Variants in EFNA3 observed in about 807,000 individuals in gnomAD.
The protein encoded by EFNA3 is ephrin A3.
In EFNA3, 15 loss-of-function variants were observed where a neutral mutation model predicts 25.0. The ratio of observed to expected loss-of-function variants is 0.60; its 90% CI spans 0.40 to 0.92. The LOEUF (loss-of-function observed/expected upper bound fraction) is 0.92. Ranked by LOEUF, EFNA3 falls within the 40% of genes least tolerant of loss-of-function variation. The pLI, the probability that EFNA3 is intolerant of heterozygous loss-of-function variation, is 0.00. For missense variants in EFNA3, 298 were observed against 323.8 expected (o/e 0.92, Z 0.61); for synonymous variants, 153 against 145.6 (o/e 1.05, Z -0.37).
Position 155,079,002 on chromosome 1 carries a change from C to A in EFNA3, c.61C>A (p.Leu21Met). The A allele has an allele frequency of 7.0e-7, 1 of 1,435,466 alleles. No homozygotes were observed. Among genetic ancestry groups the A allele is most frequent in the Non-Finnish European group, 9.2e-7 (1 of 1,091,096 alleles). 88.9% of individuals were successfully genotyped at this position (1,435,466 alleles called of 1,614,324 possible). A position where few individuals can be genotyped will look rare whatever the true frequency, so the allele number is the denominator to read the frequency against. Residue 21 changes from leucine (L) to methionine (M), a missense_variant, in exon 1 of 5, where the codon CTG (leucine) becomes ATG (methionine). Leu to Met is a conservative substitution (Grantham distance 15). Transcript: ENST00000368408. The surrounding 1 kb of genome is among the most constrained non-coding windows in gnomAD (Gnocchi z 7.7). ...CGTGCCCGTGCCGCTGCTGCCGCTG[C>A]TGGCCCAAGGGCCCGGAGGGGCGCT... ...LLVPVPLLPLLAQGPGGALGN... is the reference protein window; with the variant it reads ...LLVPVPLLPLMAQGPGGALGN...
chr1:155,085,054 G>T lies in EFNA3; in HGVS notation c.129-37G>T. The T allele has an allele frequency of 6.2e-7, 1 of 1,607,794 alleles. No individual in the cohort carries two copies. The highest frequency in any genetic ancestry group is 2.2e-5 in the East Asian group (1 of 44,772). On this transcript the variant is annotated intron_variant, in intron 1 of 4. Coordinates refer to ENST00000368408, the MANE Select transcript of EFNA3 (RefSeq NM_004952.5). This position sits in a 1 kb window ranked among gnomAD's most constrained non-coding sequence, Gnocchi z 4.4. ...CAGATGGAAAGCGGCTTTGCTCTGG[G>T]GTTTCTTCTCTCTGAGCCGCTTCCT...
chr1:155,086,054 C>A, intron 3 of EFNA3, 74 bp from the exon 4 acceptor site: 1 of 1,576,062 alleles, frequency 6.3e-7, no homozygotes, highest in Non-Finnish European at 8.6e-7. Context: ...GCTTGCTCCC[C>A]AGCCGTAGCA....
Position 155,085,425 on chromosome 1 carries a change from G to A in EFNA3, c.442+21G>A, listed in dbSNP as rs368001689. On this transcript the variant is annotated intron_variant, in intron 2 of 4. Coordinates refer to ENST00000368408, the MANE Select transcript of EFNA3 (RefSeq NM_004952.5). This position sits in a 1 kb window ranked among gnomAD's most constrained non-coding sequence, Gnocchi z 4.4. ...CATCTGTGAGTGACGGCGGCCGGGC[G>A]GGCGGGTCTGAACGCGAGAGTCTGA... 2 of 1,541,426 alleles carry A rather than the reference G, an allele frequency of 1.3e-6. No individual in the cohort carries two copies. Among genetic ancestry groups the A allele is most frequent in the Non-Finnish European group, 1.8e-6 (2 of 1,137,480 alleles).
Position 155,086,714 on chromosome 1 carries a change from G to C in EFNA3, c.*171G>C. On this transcript the variant is annotated 3_prime_UTR_variant, in exon 5 of 5. Transcript: ENST00000368408. ...CCCCTCTACCCCTTCCCCCCACGTAGGGCACTGTAGTGGACCAAGCACGGG... is the reference window on the plus strand; with the variant it reads ...CCCCTCTACCCCTTCCCCCCACGTACGGCACTGTAGTGGACCAAGCACGGG... The C allele has an allele frequency of 2.5e-6, 2 of 812,838 alleles. No homozygotes were observed. Among genetic ancestry groups the C allele is most frequent in the Non-Finnish European group, 3.8e-6 (2 of 531,776 alleles). The allele number at this position is 812,838 out of a possible 1,614,324, so 50.4% of individuals were successfully genotyped here.
intron 4 of EFNA3, 36 bp from the exon 5 acceptor site, chr1:155,086,377 C>T: frequency 1.9e-6 from 3 of 1,611,402 alleles, no homozygotes; most frequent in Non-Finnish European, 2.5e-6. Context: ...GCGCGCAACC[C>T]AGCCCTCACC....
At position 155,085,754 on chromosome 1, in the gene EFNA3, AG is replaced by A; in HGVS notation, c.443-119del. On this transcript the variant is annotated intron_variant, in intron 2 of 4. Coordinates refer to ENST00000368408, the MANE Select transcript of EFNA3 (RefSeq NM_004952.5). The surrounding 1 kb of genome is among the most constrained non-coding windows in gnomAD (Gnocchi z 4.4). ...CTAAAGTGACCCGTGTCCAAAGGGT[AG>A]GGGAGCTCCTGAAGGAGACCGCCCG... 8.8e-7 allele frequency: 1 copy of A among 1,142,788 alleles called. No homozygotes were observed. The highest frequency in any genetic ancestry group is 1.4e-5 in the South Asian group (1 of 69,472). 70.8% of individuals were successfully genotyped at this position (1,142,788 alleles called of 1,614,324 possible). A position where few individuals can be genotyped will look rare whatever the true frequency, so the allele number is the denominator to read the frequency against.
Position 155,086,639 on chromosome 1 carries a change from C to T in EFNA3, c.*96C>T. 3 of 1,480,562 alleles carry T rather than the reference C, an allele frequency of 2.0e-6. No individual in the cohort carries two copies. The highest frequency in any genetic ancestry group is 2.7e-6 in the Non-Finnish European group (3 of 1,098,530). 91.7% of individuals were successfully genotyped at this position (1,480,562 alleles called of 1,614,324 possible). On this transcript the variant is annotated 3_prime_UTR_variant, in exon 5 of 5. Coordinates refer to ENST00000368408, the MANE Select transcript of EFNA3 (RefSeq NM_004952.5). ...CAAGGGAAGCCTAGTGGGCCTAGACCCCTCCTCCCATGGCTAGAAGTGGGG... is the reference window on the plus strand; with the variant it reads ...CAAGGGAAGCCTAGTGGGCCTAGACTCCTCCTCCCATGGCTAGAAGTGGGG...
chr1:155,083,482 C>A (rs530860018), intron 1 of EFNA3, among the ~76,000 whole-genome samples: 131 of 152,322 alleles, frequency 8.6e-4, no homozygotes, highest in African/African-American at 2.9e-3. Context: ...AAGGGAGGGG[C>A]CTGAGTGACC....
intron 1 of EFNA3, among the ~76,000 whole-genome samples, chr1:155,084,780 A>T (rs1663417489): frequency 6.6e-6 from 1 of 152,210 alleles, no homozygotes; most frequent in Non-Finnish European, 1.5e-5. Context: ...ACCAAAGCGT[A>T]CGTTCCCTTC....
In EFNA3 at chr1:155,085,440, C is replaced by G; in HGVS notation, c.442+36C>G. 2.0e-6 allele frequency: 3 copies of G among 1,511,460 alleles called. No homozygotes were observed. The highest frequency in any genetic ancestry group is 2.7e-6 in the Non-Finnish European group (3 of 1,124,214). The allele number at this position is 1,511,460 out of a possible 1,614,324, so 93.6% of individuals were successfully genotyped here. Reference sequence around the variant, plus strand: ...GCGGCCGGGCGGGCGGGTCTGAACGCGAGAGTCTGAGTGACAGCCGGGGGG... The same window carrying G: ...GCGGCCGGGCGGGCGGGTCTGAACGGGAGAGTCTGAGTGACAGCCGGGGGG... On this transcript the variant is annotated intron_variant, in intron 2 of 4. Coordinates refer to ENST00000368408, the MANE Select transcript of EFNA3 (RefSeq NM_004952.5). The surrounding 1 kb of genome is among the most constrained non-coding windows in gnomAD (Gnocchi z 4.4).
chr1:155,079,289 G>A lies in EFNA3; in HGVS notation c.128+220G>A, dbSNP rs1663297757. ...TAGTAAGGAGCGCTCGGGCCGTGTG[G>A]AGGAGGCTGCTGGAGGGGCCCCCCA... On this transcript the variant is annotated intron_variant, in intron 1 of 4. Transcript: ENST00000368408. This position sits in a 1 kb window ranked among gnomAD's most constrained non-coding sequence, Gnocchi z 7.7. 2.0e-5 allele frequency among the ~76,000 whole-genome samples: 3 copies of A among 152,148 alleles called. No homozygotes were observed. Among genetic ancestry groups the A allele is most frequent in the Non-Finnish European group, 4.4e-5 (3 of 68,006 alleles).
chr1:155,080,336 CT>C lies in EFNA3; in HGVS notation c.128+1268del, dbSNP rs2102450976. Among the ~76,000 whole-genome samples, 1 of 152,260 alleles carries C rather than the reference CT, an allele frequency of 6.6e-6. No homozygotes were observed. Among genetic ancestry groups the C allele is most frequent in the Non-Finnish European group, 1.5e-5 (1 of 67,994 alleles). ...GTTGTTTGGGGCTCCGCGCCTCCCC[CT>C]CTCTCCCTCCTCGCGCCCGGAGTGT... On this transcript the variant is annotated intron_variant, in intron 1 of 4. Transcript: ENST00000368408. This position sits in a 1 kb window ranked among gnomAD's most constrained non-coding sequence, Gnocchi z 7.0.
rs1663434444 is a variant in EFNA3, at chr1:155,085,387, A to G, written c.425A>G (p.His142Arg). The G allele has an allele frequency of 1.2e-6, 2 of 1,608,528 alleles. No individual in the cohort carries two copies. The highest frequency in any genetic ancestry group is 1.7e-6 in the Non-Finnish European group (2 of 1,177,000). ...CTGGGCTACGAGTTCCACGCCGGCCACGAGTACTACTACATCTGTGAGTGA... is the reference window on the plus strand; with the variant it reads ...CTGGGCTACGAGTTCCACGCCGGCCGCGAGTACTACTACATCTGTGAGTGA... The part of the protein sequence containing the change: ...FSLGYEFHAG[H>R]EYYYISTPTH... The change falls in exon 2 of 5, where the codon CAC becomes CGC. Residue 142 changes from histidine to arginine, a missense_variant. By Grantham distance (29) the His-to-Arg change is conservative. Coordinates refer to ENST00000368408, the MANE Select transcript of EFNA3 (RefSeq NM_004952.5). The surrounding 1 kb of genome is among the most constrained non-coding windows in gnomAD (Gnocchi z 4.4).
rs921649427 is a variant in EFNA3 at position 155,085,567 on chromosome 1, C to G, written c.442+163C>G. ...GGCACGGGACGCCTGAGGGGTTCAG[C>G]TCAGACGAGGTCGTGGGGCCAAGAG... On this transcript the variant is annotated intron_variant, in intron 2 of 4. Coordinates refer to ENST00000368408, the MANE Select transcript of EFNA3 (RefSeq NM_004952.5). The surrounding 1 kb of genome is among the most constrained non-coding windows in gnomAD (Gnocchi z 4.4). 42 of 906,912 alleles carry G rather than the reference C, an allele frequency of 4.6e-5. No homozygotes were observed. Among genetic ancestry groups the G allele is most frequent in the Middle Eastern group, 3.4e-4 (1 of 2,940 alleles). 56.2% of individuals were successfully genotyped at this position (906,912 alleles called of 1,614,324 possible). A position where few individuals can be genotyped will look rare whatever the true frequency, so the allele number is the denominator to read the frequency against.
Position 155,085,414 on chromosome 1 carries a change from G to T in EFNA3, c.442+10G>T, listed in dbSNP as rs181742057. 6.4e-7 allele frequency: 1 copy of T among 1,556,444 alleles called. No individual in the cohort carries two copies. Among genetic ancestry groups the T allele is most frequent in the Non-Finnish European group, 8.7e-7 (1 of 1,145,436 alleles). On this transcript the variant is annotated intron_variant, in intron 2 of 4. Coordinates refer to ENST00000368408, the MANE Select transcript of EFNA3 (RefSeq NM_004952.5). The surrounding 1 kb of genome is among the most constrained non-coding windows in gnomAD (Gnocchi z 4.4). ...GAGTACTACTACATCTGTGAGTGAC[G>T]GCGGCCGGGCGGGCGGGTCTGAACG...
chr1:155,083,815 C>T (rs1663388453), intron 1 of EFNA3, among the ~76,000 whole-genome samples: 1 of 152,176 alleles, frequency 6.6e-6, no homozygotes, highest in Non-Finnish European at 1.5e-5. Flanking sequence ...GACTAGGGAC[C>T]CCGTGGTATG....
In EFNA3 at chr1:155,079,013, G is replaced by C. The variant is rs1663289602; in HGVS notation, c.72G>C (p.Gly24=). Residue 24 remains glycine (G), a synonymous_variant, in exon 1 of 5, where the codon GGG becomes GGC. Coordinates refer to ENST00000368408, the MANE Select transcript of EFNA3 (RefSeq NM_004952.5). The surrounding 1 kb of genome is among the most constrained non-coding windows in gnomAD (Gnocchi z 7.7). ...CGCTGCTGCCGCTGCTGGCCCAAGGGCCCGGAGGGGCGCTGGGAAACCGGC... is the reference window on the plus strand; with the variant it reads ...CGCTGCTGCCGCTGCTGGCCCAAGGCCCCGGAGGGGCGCTGGGAAACCGGC... The part of the protein sequence containing the change: ...PVPLLPLLAQ[G]PGGALGNRHA... The C allele has an allele frequency of 2.1e-6, 3 of 1,428,090 alleles. No individual in the cohort carries two copies. Among genetic ancestry groups the C allele is most frequent in the Non-Finnish European group, 1.8e-6 (2 of 1,086,922 alleles). The allele number at this position is 1,428,090 out of a possible 1,614,324, so 88.5% of individuals were successfully genotyped here. A position where few individuals can be genotyped will look rare whatever the true frequency, so the allele number is the denominator to read the frequency against.
At chr1:155,082,257 G>A (rs1451162732) in intron 1 of EFNA3, among the ~76,000 whole-genome samples, 1 of 152,200 alleles carries the variant, frequency 6.6e-6, no homozygotes, top group African/African-American at 2.4e-5. Context: ...GAGGAACCCG[G>A]GTCTACATTC....
chr1:155,087,449 C>T lies in EFNA3; in HGVS notation c.*906C>T, dbSNP rs1663496505. 1 of 152,860 alleles carries T rather than the reference C, an allele frequency of 6.5e-6. No homozygotes were observed. Among genetic ancestry groups the T allele is most frequent in the Non-Finnish European group, 1.5e-5 (1 of 68,076 alleles). 9.5% of individuals were successfully genotyped at this position (152,860 alleles called of 1,614,324 possible). A position where few individuals can be genotyped will look rare whatever the true frequency, so the allele number is the denominator to read the frequency against. Reference sequence around the variant, plus strand: ...GCCCTGCTCACCCTATGTGGTCCCACCTATCCTCCTGGGCCTTTTTCAAGT... The same window carrying T: ...GCCCTGCTCACCCTATGTGGTCCCATCTATCCTCCTGGGCCTTTTTCAAGT... On this transcript the variant is annotated 3_prime_UTR_variant, in exon 5 of 5. Coordinates refer to ENST00000368408, the MANE Select transcript of EFNA3 (RefSeq NM_004952.5).
Sources: gnomAD v4.1 joint callset for allele counts (sites outside exome capture counted in the v4.1 genomes callset) on GRCh38, gnomAD v4.1.1 for gene constraint, Gnocchi (gnomAD v3.1) non-coding constraint, MANE v1.5 for transcripts, NCBI Gene and HGNC (gene_info 2026-07-23, HGNC 2026-07-21) for gene names.